The following TRMT9B variants were observed in gnomAD, a reference collection of about 807,000 sequenced individuals.
TRMT9B encodes probable tRNA methyltransferase 9B.
In TRMT9B, 16 loss-of-function variants were observed where a neutral mutation model predicts 11.5. The observed-to-expected ratio is 1.39, with a 90% CI of 0.94 to 2.11. TRMT9B has a LOEUF of 2.11. TRMT9B is among the 30% of genes most tolerant of loss of function. The pLI is 0.00. For synonymous variants in TRMT9B, 274 were observed against 192.4 expected (o/e 1.42, Z -3.51); for missense variants, 941 against 553.8 (o/e 1.70, Z -7.02).
intron 2 of TRMT9B, among the ~76,000 whole-genome samples, chr8:13,005,427 G>T (rs1431894344): frequency 6.6e-6 from 1 of 152,164 alleles, no homozygotes; most frequent in Non-Finnish European, 1.5e-5. Flanking sequence ...ATGACTAAAA[G>T]AGTATATTGG....
chr8:13,016,901 C>T (rs923190125), intron 4 of TRMT9B, among the ~76,000 whole-genome samples: 2 of 150,052 alleles, frequency 1.3e-5, no homozygotes, highest in Admixed American at 6.7e-5. Context: ...CTGAGGCAGG[C>T]GGATCACAAG....
In TRMT9B at chr8:12,987,053, T is replaced by C. The variant is rs535756446; in HGVS notation, c.-199-3781T>C. On this transcript the variant is annotated intron_variant, in intron 1 of 4. Transcript: ENST00000524591. ...GTCCTATATGATCTGACTCCTGCCC[T>C]CTCTTCCAGCCTCTTATTTCGCCAT... Among the ~76,000 whole-genome samples the C allele has an allele frequency of 2.6e-5, 4 of 152,306 alleles. No individual in the cohort carries two copies. In the South Asian group the frequency reaches 8.3e-4, roughly 32 times the overall value.
intron 1 of TRMT9B, among the ~76,000 whole-genome samples, chr8:12,990,625 T>A (rs1563373303): frequency 2.0e-5 from 3 of 152,224 alleles, no homozygotes; most frequent in South Asian, 4.1e-4. Flanking sequence ...AAGTATTGTA[T>A]GTTTTATAGA....
chr8:13,022,968 G>C lies in TRMT9B; in HGVS notation c.*924G>C, dbSNP rs941289880. ...ACTGCACTGCAGCCTGGGCAACATA[G>C]CAAGACTCTGTCTCAAAATAATAAT... is the stretch of plus-strand genomic sequence containing the variant. On this transcript the variant is annotated 3_prime_UTR_variant, in exon 5 of 5. Coordinates refer to ENST00000524591, the MANE Select transcript of TRMT9B (RefSeq NM_020844.3). 5 of 166,592 alleles carry C rather than the reference G, an allele frequency of 3.0e-5. No homozygotes were observed. The highest frequency in any genetic ancestry group is 1.3e-4 in the Admixed American group (2 of 15,272). The allele number at this position is 166,592 out of a possible 1,614,324, so 10.3% of individuals were successfully genotyped here. A position where few individuals can be genotyped will look rare whatever the true frequency, so the allele number is the denominator to read the frequency against.
intron 2 of TRMT9B, among the ~76,000 whole-genome samples, chr8:12,993,815 G>A (rs1807834676): frequency 6.6e-6 from 1 of 152,258 alleles, no homozygotes; most frequent in Admixed American, 6.5e-5. Context: ...AAGCATTCAA[G>A]TTTGTAATAC....
chr8:12,965,763 A>G (rs989061619), intron 1 of TRMT9B, among the ~76,000 whole-genome samples: 9 of 152,146 alleles, frequency 5.9e-5, no homozygotes, highest in Admixed American at 5.9e-4. Flanking sequence ...CTGTAATCCC[A>G]GCATGTGGGG....
In TRMT9B at chr8:12,992,925, C is replaced by G. The variant is rs940852330; in HGVS notation, c.-2+1894C>G. ...ATGGATGATTTTTATCTGTAGTTAC[C>G]CATAAATTCTTTATGCAGGAGGAAG... On this transcript the variant is annotated intron_variant, in intron 2 of 4. Transcript: ENST00000524591. 1.8e-4 allele frequency among the ~76,000 whole-genome samples: 27 copies of G among 152,078 alleles called. 1 individual carries two copies. The highest frequency in any genetic ancestry group is 6.5e-4 in the African/African-American group (27 of 41,488).
At chr8:12,963,844 T>G (rs1802462771) in intron 1 of TRMT9B, among the ~76,000 whole-genome samples, 1 of 152,232 alleles carries the variant, frequency 6.6e-6, no homozygotes, top group African/African-American at 2.4e-5. Context: ...TCTGTTTATT[T>G]AAACTAGGCT....
intron 1 of TRMT9B, among the ~76,000 whole-genome samples, chr8:12,946,505 G>A (rs1280116333): frequency 2.0e-5 from 3 of 152,152 alleles, no homozygotes; most frequent in Admixed American, 2.0e-4. Flanking sequence ...AAAGAAAAGG[G>A]CAGCTGCTTT....
intron 2 of TRMT9B, among the ~76,000 whole-genome samples, chr8:13,004,261 C>G (rs902229754): frequency 1.3e-5 from 2 of 151,742 alleles, no homozygotes; most frequent in African/African-American, 4.8e-5. Flanking sequence ...CTAGGTGAGT[C>G]CTCCTGCTGA....
intron 3 of TRMT9B, among the ~76,000 whole-genome samples, chr8:13,008,426 G>A (rs1188492497): frequency 6.6e-6 from 1 of 152,174 alleles, no homozygotes; most frequent in Non-Finnish European, 1.5e-5. Flanking sequence ...AAAAAAGGAG[G>A]CTGGGTATGT....
rs201741426 is a variant in TRMT9B at position 13,022,063 on chromosome 8, C to G, written c.*19C>G. 5.6e-4 allele frequency: 843 copies of G among 1,499,924 alleles called. 7 individuals carry two copies. The highest frequency in any genetic ancestry group is 5.3e-4 in the Middle Eastern group (3 of 5,648). The allele number at this position is 1,499,924 out of a possible 1,614,324, so 92.9% of individuals were successfully genotyped here. The stretch of plus-strand genomic sequence containing the variant: ...TGATTGATTGGATCCTTTTAGACAA[C>G]TCCTCCAAAAGATGAACCACATTCT... On this transcript the variant is annotated 3_prime_UTR_variant, in exon 5 of 5. Transcript: ENST00000524591.
intron 3 of TRMT9B, chr8:13,011,852 C>G (rs34139630): frequency 0.02 from 19,072 of 973,584 alleles, 196 homozygotes; most frequent in Non-Finnish European, 0.022. Context: ...GTTAAAAATT[C>G]TTTTCTAATT....
intron 1 of TRMT9B, among the ~76,000 whole-genome samples, chr8:12,978,485 C>G (rs1260702718): frequency 7.3e-6 from 1 of 136,602 alleles, no homozygotes; most frequent in Non-Finnish European, 1.6e-5. Context: ...TGCTGCTAAC[C>G]CGCGACAGAG....
intron 2 of TRMT9B, among the ~76,000 whole-genome samples, chr8:12,999,204 C>A (rs1441823892): frequency 2.0e-5 from 3 of 148,586 alleles, no homozygotes; most frequent in Non-Finnish European, 4.4e-5. Context: ...GAGGCTGAGG[C>A]AGGAGAATCG....
chr8:13,020,898 G>T, intron 4 of TRMT9B, 110 bp from the exon 5 acceptor site: 1 of 669,712 alleles, frequency 1.5e-6, no homozygotes, highest in Non-Finnish European at 2.4e-6. Context: ...AAATAAGAAG[G>T]TTTCATTAGA....
At chr8:12,987,621 G>T (rs1806551911) in intron 1 of TRMT9B, among the ~76,000 whole-genome samples, 1 of 152,116 alleles carries the variant, frequency 6.6e-6, no homozygotes, top group East Asian at 1.9e-4. Context: ...GCACCTGGGA[G>T]GTCAAGGCTG....
At chr8:12,995,769 C>A (rs1028215887) in intron 2 of TRMT9B, among the ~76,000 whole-genome samples, 3 of 152,136 alleles carry the variant, frequency 2.0e-5, no homozygotes, top group African/African-American at 7.2e-5. Context: ...AGACCCAAGT[C>A]ATTGTTGTCT....
chr8:12,946,510 T>A (rs936327274), intron 1 of TRMT9B, among the ~76,000 whole-genome samples: 2 of 152,198 alleles, frequency 1.3e-5, no homozygotes, highest in African/African-American at 4.8e-5. Flanking sequence ...AAAGGGCAGC[T>A]GCTTTAGGTG....
Sources: gnomAD v4.1 joint callset for allele counts (sites outside exome capture counted in the v4.1 genomes callset) on GRCh38, gnomAD v4.1.1 for gene constraint, MANE v1.5 for transcripts, NCBI Gene and HGNC (gene_info 2026-07-23, HGNC 2026-07-21) for gene names.